Variants in NELL2 observed in about 807,000 individuals in gnomAD.
The protein encoded by NELL2 is neural EGFL like 2, also known as protein kinase C-binding protein NELL2.
NELL2 carries 41 observed loss-of-function variants against 109.6 expected under a neutral mutation model. That is an observed-to-expected ratio of 0.37 (90% CI 0.29 to 0.49). The LOEUF is 0.49. Among genes scored for constraint, NELL2 ranks in the 20% least tolerant of loss-of-function variants. The probability of loss-of-function intolerance (pLI) is 0.98; values close to 1 mark genes in which losing one functional copy is unlikely to be tolerated. For missense variants in NELL2, 900 were observed against 1,008.3 expected, an observed-to-expected ratio of 0.89 and a Z score of 1.45; for synonymous variants, 355 against 344.7, an observed-to-expected ratio of 1.03 and a Z score of -0.33.
intron 12 of NELL2, among the ~76,000 whole-genome samples, chr12:44,676,875 TC>T (rs1745905350): frequency 6.6e-6 from 1 of 152,092 alleles, no homozygotes; most frequent in Admixed American, 6.6e-5. Context: ...TCCTACTATG[TC>T]CAAGGTACTA....
At chr12:44,559,149 G>C (rs1366174305) in intron 15 of NELL2, among the ~76,000 whole-genome samples, 1 of 152,110 alleles carries the variant, frequency 6.6e-6, no homozygotes, top group Non-Finnish European at 1.5e-5. Context: ...GTCACTGCCA[G>C]GCATGCCTTA....
At chr12:44,787,018 T>C (rs1942204191) in intron 3 of NELL2, among the ~76,000 whole-genome samples, 1 of 152,118 alleles carries the variant, frequency 6.6e-6, no homozygotes, top group Non-Finnish European at 1.5e-5. Context: ...GTTCTGCATA[T>C]GTATCCCAGA....
intron 13 of NELL2, among the ~76,000 whole-genome samples, chr12:44,647,697 G>A (rs897440966): frequency 1.3e-5 from 2 of 152,104 alleles, no homozygotes; most frequent in African/African-American, 4.8e-5. Flanking sequence ...ACAAGTGGGA[G>A]CTGTTTGTTA....
chr12:44,884,603 C>T, intron 1 of NELL2, among the ~76,000 whole-genome samples: 1 of 151,842 alleles, frequency 6.6e-6, no homozygotes, highest in Non-Finnish European at 1.5e-5. Flanking sequence ...AAAACTAGAA[C>T]ATAGACTCTA....
intron 18 of NELL2, among the ~76,000 whole-genome samples, chr12:44,520,827 G>C (rs764684874): frequency 3.3e-5 from 5 of 152,192 alleles, no homozygotes; most frequent in Admixed American, 1.3e-4. Flanking sequence ...TAAAAATGTA[G>C]TTCCCACCTG....
intron 13 of NELL2, among the ~76,000 whole-genome samples, chr12:44,637,880 T>C (rs1946702351): frequency 6.6e-6 from 1 of 152,018 alleles, no homozygotes; most frequent in Admixed American, 6.6e-5. Context: ...TCTATAATAC[T>C]AGTCTTGTCC....
intron 15 of NELL2, among the ~76,000 whole-genome samples, chr12:44,559,848 C>G (rs1943402665): frequency 6.6e-6 from 1 of 152,206 alleles, no homozygotes; most frequent in Admixed American, 6.5e-5. Context: ...ATCTACAGAA[C>G]TGTCCACCCA....
At chr12:44,767,154 T>C (rs1348924193) in intron 9 of NELL2, among the ~76,000 whole-genome samples, 1 of 152,326 alleles carries the variant, frequency 6.6e-6, no homozygotes, top group East Asian at 1.9e-4. Context: ...CTGTGGAATT[T>C]ATTGAAGATG....
At position 44,892,813 on chromosome 12, in the gene NELL2, A is replaced by G. The variant is rs1337371096; in HGVS notation, c.39-16913T>C. ...ACTCTGTCTCAAAAAAAAAAAAAAA[A>G]AAAAAAGAAACCAAATTCAACATTA... On this transcript the variant is annotated intron_variant, in intron 1 of 20. Transcript: ENST00000333837. 1.4e-4 allele frequency among the ~76,000 whole-genome samples: 21 copies of G among 151,458 alleles called. No homozygotes were observed. The South Asian group carries it at 3.9e-3, about 28-fold the overall frequency.
Position 44,720,994 on chromosome 12 carries a change from G to A in NELL2, c.995-6253C>T, listed in dbSNP as rs866697975. On this transcript the variant is annotated intron_variant, in intron 9 of 19. Coordinates refer to ENST00000429094, the MANE Select transcript of NELL2 (RefSeq NM_001145108.2). Reference sequence around the variant, plus strand: ...CAGTAGTGAGGGGTTAGGAGGCAAAGGAGGATAAAAGTACCTCCCAGAATA... The same window carrying A: ...CAGTAGTGAGGGGTTAGGAGGCAAAAGAGGATAAAAGTACCTCCCAGAATA... Among the ~76,000 whole-genome samples the A allele has an allele frequency of 2.6e-5, 4 of 152,108 alleles. No individual in the cohort carries two copies. The South Asian group carries it at 8.3e-4, about 31-fold the overall frequency.
rs756123295 is a variant in NELL2 at position 44,522,163 on chromosome 12, A to G, written c.2012T>C (p.Met671Thr). The G allele has an allele frequency of 3.1e-6, 5 of 1,613,578 alleles. No individual in the cohort carries two copies. Among genetic ancestry groups the G allele is most frequent in the East Asian group, 4.5e-5 (2 of 44,892 alleles). ...ACAGTCACAGACCATCCGTCGACAC[A>G]TAACGAATCCATTCTGTATGAAAAA... is the stretch of plus-strand genomic sequence containing the variant. The part of the protein sequence containing the change: ...SVCSCQNGFV[M>T]CRRMVCDCEN... The change falls in exon 18 of 20, where the codon ATG becomes ACG. Residue 671 changes from methionine to threonine, a missense_variant. By Grantham distance (81) the Met-to-Thr change is moderately conservative. Around this residue, in one of 4 missense-constraint regions of NELL2, gnomAD observed 333 missense variants for 432.3 expected, o/e 0.77. Transcript: ENST00000429094.
chr12:44,918,353 A>C (rs576175733), upstream of NELL2, among the ~76,000 whole-genome samples: 67 of 152,348 alleles, frequency 4.4e-4, no homozygotes, highest in Non-Finnish European at 9.3e-4. Flanking sequence ...AACCCATTCA[A>C]CCTGAAGCTC....
chr12:44,705,010 C>T (rs911385588), intron 11 of NELL2, among the ~76,000 whole-genome samples: 5 of 122,830 alleles, frequency 4.1e-5, no homozygotes, highest in Non-Finnish European at 8.8e-5. Flanking sequence ...AAGAGTAGGA[C>T]TCCATCAAAA....
intron 3 of NELL2, among the ~76,000 whole-genome samples, chr12:44,797,691 G>C (rs1652632954): frequency 6.6e-6 from 1 of 151,056 alleles, no homozygotes; most frequent in Non-Finnish European, 1.5e-5. Flanking sequence ...CTCCTTGAAG[G>C]TATCATTAAG....
intron 2 of NELL2, among the ~76,000 whole-genome samples, chr12:44,872,063 G>C (rs1945178322): frequency 6.6e-6 from 1 of 152,070 alleles, no homozygotes; most frequent in African/African-American, 2.4e-5. Flanking sequence ...TCTCATTCCT[G>C]ATCCCTCATG....
intron 2 of NELL2, among the ~76,000 whole-genome samples, chr12:44,842,109 G>GAGGAGGGGAGGAAGGAAGGA: frequency 2.6e-5 from 1 of 38,756 alleles, no homozygotes; most frequent in South Asian, 1.2e-3. Context: ...GGGAGGGAGG[G>GAGGAGGGGAGGAAGGAAGGA]AGGAAGGAAG....
intron 15 of NELL2, among the ~76,000 whole-genome samples, chr12:44,547,381 G>A (rs1469365329): frequency 3.9e-5 from 6 of 152,086 alleles, no homozygotes; most frequent in Admixed American, 2.0e-4. Context: ...AAAATGCTTC[G>A]GAAAATTCTG....
chr12:44,623,616 C>T (rs1205765876), intron 13 of NELL2, among the ~76,000 whole-genome samples: 3 of 152,086 alleles, frequency 2.0e-5, no homozygotes, highest in African/African-American at 7.2e-5. Flanking sequence ...CTCTTGCCCC[C>T]AGGAATCACT....
chr12:44,628,690 T>C (rs960814667), intron 13 of NELL2, among the ~76,000 whole-genome samples: 6 of 152,138 alleles, frequency 3.9e-5, no homozygotes, highest in Non-Finnish European at 8.8e-5. Flanking sequence ...TCATAGCACC[T>C]ATTTAGCATT....
Sources: allele counts gnomAD v4.1 joint callset (sites outside exome capture counted in the v4.1 genomes callset), GRCh38; gene constraint gnomAD v4.1.1; regional missense constraint gnomAD v4.1.1; transcripts MANE v1.5; gene names NCBI Gene and HGNC (gene_info 2026-07-23, HGNC 2026-07-21).